PRKG1: variants seen among roughly 807,000 people sequenced by gnomAD.
PRKG1 encodes protein kinase cGMP-dependent 1.
PRKG1 carries 35 observed loss-of-function variants against 88.1 expected under a neutral mutation model. The observed-to-expected ratio is 0.40, with a 90% CI of 0.30 to 0.53. The LOEUF (loss-of-function observed/expected upper bound fraction) is 0.53. PRKG1 is among the 20% of genes least tolerant of loss of function. PRKG1 has a pLI of 0.59. For synonymous variants in PRKG1, 303 were observed against 292.5 expected (o/e 1.04, Z -0.37); for missense variants, 540 against 839.8 (o/e 0.64, Z 4.41).
intron 2 of PRKG1, among the ~76,000 whole-genome samples, chr10:51,355,574 C>G (rs1253546017): frequency 6.6e-6 from 1 of 152,020 alleles, no homozygotes; most frequent in Non-Finnish European, 1.5e-5. Flanking sequence ...CTAATAGCCA[C>G]AGTGAAGATG....
At chr10:51,444,419 T>C (rs1839211835) in intron 2 of PRKG1, among the ~76,000 whole-genome samples, 2 of 151,834 alleles carry the variant, frequency 1.3e-5, no homozygotes, top group Non-Finnish European at 2.9e-5. Context: ...CCCTAACCAG[T>C]TCCATCTTCT....
At chr10:52,154,696 T>C (rs545716414) in intron 8 of PRKG1, among the ~76,000 whole-genome samples, 1 of 152,322 alleles carries the variant, frequency 6.6e-6, no homozygotes, top group African/African-American at 2.4e-5. Context: ...TTTGGTTACA[T>C]GGGTAAGTTC....
At chr10:51,329,332 C>A (rs903962839) in intron 2 of PRKG1, among the ~76,000 whole-genome samples, 2 of 152,080 alleles carry the variant, frequency 1.3e-5, no homozygotes, top group African/African-American at 4.8e-5. Flanking sequence ...GCCCCTTTGC[C>A]CTTATATACT....
At chr10:51,605,982 C>T (rs993321362) in intron 3 of PRKG1, among the ~76,000 whole-genome samples, 7 of 152,036 alleles carry the variant, frequency 4.6e-5, no homozygotes, top group Middle Eastern at 3.2e-3. Context: ...ACATGGCTAA[C>T]GCATCTGGGA....
At chr10:51,124,420 C>T (rs564401713) in intron 1 of PRKG1, among the ~76,000 whole-genome samples, 3 of 151,948 alleles carry the variant, frequency 2.0e-5, no homozygotes, top group East Asian at 1.9e-4. Flanking sequence ...TCCCTTTCAC[C>T]TTATAGAAGT....
At chr10:51,287,345 T>C (rs1313903173) in intron 2 of PRKG1, among the ~76,000 whole-genome samples, 1 of 152,214 alleles carries the variant, frequency 6.6e-6, no homozygotes. Flanking sequence ...TCAGAGAATA[T>C]GGGAATTCAC....
At chr10:51,238,757 T>C (rs1839069653) in intron 2 of PRKG1, among the ~76,000 whole-genome samples, 1 of 145,240 alleles carries the variant, frequency 6.9e-6, no homozygotes, top group African/African-American at 2.5e-5. Context: ...GGAGACTCTA[T>C]CTCAAAAAAA....
At chr10:51,333,695 T>G (rs963544249) in intron 2 of PRKG1, among the ~76,000 whole-genome samples, 1 of 152,242 alleles carries the variant, frequency 6.6e-6, no homozygotes, top group Non-Finnish European at 1.5e-5. Context: ...GCAAGGCAGC[T>G]TCCATGTTCC....
chr10:51,170,100 C>A (rs1729297217), intron 2 of PRKG1, among the ~76,000 whole-genome samples: 1 of 152,006 alleles, frequency 6.6e-6, no homozygotes, highest in Non-Finnish European at 1.5e-5. Context: ...CTAACAGCCT[C>A]TGTGTTCCTC....
At chr10:52,036,952 T>C (rs1443028119) in intron 5 of PRKG1, among the ~76,000 whole-genome samples, 2 of 152,276 alleles carry the variant, frequency 1.3e-5, no homozygotes, top group Non-Finnish European at 2.9e-5. Flanking sequence ...CGGGCTTACC[T>C]TCCACTGTGA....
intron 2 of PRKG1, among the ~76,000 whole-genome samples, chr10:51,156,312 CAA>C (rs1491142895): frequency 1.3e-5 from 2 of 151,460 alleles, no homozygotes; most frequent in East Asian, 1.9e-4. Flanking sequence ...CACACACACA[CAA>C]ACACACACAC....
intron 3 of PRKG1, chr10:51,695,967 C>T (rs1243144373): frequency 2.6e-5 from 4 of 151,976 alleles, no homozygotes; most frequent in African/African-American, 9.7e-5. Flanking sequence ...TTTATGATAC[C>T]AACATTTATG....
intron 3 of PRKG1, among the ~76,000 whole-genome samples, chr10:51,661,968 A>G (rs990332285): frequency 9.9e-5 from 15 of 152,156 alleles, no homozygotes; most frequent in Non-Finnish European, 1.9e-4. Flanking sequence ...TGAGCAAACT[A>G]TTGCAATGAC....
In PRKG1 at chr10:51,560,318, G is replaced by A. The variant is rs542226973; in HGVS notation, c.592+92482G>A. Among the ~76,000 whole-genome samples the A allele has an allele frequency of 5.3e-5, 8 of 152,184 alleles. No individual in the cohort carries two copies. The South Asian group carries it at 1.4e-3, about 28-fold the overall frequency. On this transcript the variant is annotated intron_variant, in intron 3 of 17. Coordinates refer to ENST00000373980, the MANE Select transcript of PRKG1 (RefSeq NM_006258.4). The stretch of plus-strand genomic sequence containing the variant: ...AATGTTGATGATCTAAAAATCCATG[G>A]CCTCTGCACAAAAGCCAAGCTAATT...
intron 2 of PRKG1, among the ~76,000 whole-genome samples, chr10:51,430,937 G>C (rs1026151579): frequency 6.6e-6 from 1 of 152,318 alleles, no homozygotes; most frequent in African/African-American, 2.4e-5. Context: ...CAGAGAATGG[G>C]AGCAGCAATT....
At chr10:52,071,135 C>CTTTA (rs35385133) in intron 7 of PRKG1, among the ~76,000 whole-genome samples, 26,178 of 151,482 alleles carry the variant, frequency 0.17, 2,833 homozygotes, top group South Asian at 0.28. Flanking sequence ...TTTTCTTTTC[C>CTTTA]TTTATTTATT....
At chr10:51,785,559 G>T (rs145792301) in intron 3 of PRKG1, among the ~76,000 whole-genome samples, 104 of 152,164 alleles carry the variant, frequency 6.8e-4, no homozygotes, top group African/African-American at 2.5e-3. Context: ...TGACGTTGAA[G>T]ATTTTACATT....
intron 1 of PRKG1, among the ~76,000 whole-genome samples, chr10:51,065,741 G>C (rs1048784887): frequency 6.6e-6 from 1 of 152,054 alleles, no homozygotes; most frequent in Non-Finnish European, 1.5e-5. Flanking sequence ...CCAGTATAGT[G>C]AGCGCCTTCC....
chr10:51,819,932 G>T (rs1236202140), intron 4 of PRKG1, among the ~76,000 whole-genome samples: 2 of 152,256 alleles, frequency 1.3e-5, no homozygotes, highest in Non-Finnish European at 2.9e-5. Context: ...AGAATGAAAA[G>T]CTTCATCATC....
Sources: allele counts gnomAD v4.1 joint callset (sites outside exome capture counted in the v4.1 genomes callset), GRCh38; gene constraint gnomAD v4.1.1; transcripts MANE v1.5; gene names NCBI Gene and HGNC (gene_info 2026-07-23, HGNC 2026-07-21).